The following AGAP1 variants were observed in gnomAD, a reference collection of about 807,000 sequenced individuals.
The protein encoded by AGAP1 is arf-GAP with GTPase, ANK repeat and PH domain-containing protein 1.
A neutral mutation model predicts 105.3 loss-of-function variants in AGAP1; 29 were observed. The observed-to-expected ratio is 0.28, with a 90% CI of 0.21 to 0.38. The LOEUF is 0.38. AGAP1 is among the 10% of genes least tolerant of loss of function. AGAP1 has a pLI of 1.00. For synonymous variants in AGAP1, 509 were observed against 485.9 expected (o/e 1.05, Z -0.63); for missense variants, 998 against 1,165.1 (o/e 0.86, Z 2.09).
chr2:235,806,393 A>T (rs1957835131), intron 8 of AGAP1, among the ~76,000 whole-genome samples: 1 of 152,188 alleles, frequency 6.6e-6, no homozygotes, highest in African/African-American at 2.4e-5. Flanking sequence ...TCAGAAAATC[A>T]TTGTGCTCAC....
chr2:236,098,715 G>A (rs2059258400), intron 16 of AGAP1, among the ~76,000 whole-genome samples: 1 of 147,752 alleles, frequency 6.8e-6, no homozygotes, highest in Non-Finnish European at 1.5e-5. Context: ...GCTTCCCGCT[G>A]CTGGGCTCAA....
At chr2:235,915,547 G>A (rs1002956772) in intron 11 of AGAP1, among the ~76,000 whole-genome samples, 3 of 152,116 alleles carry the variant, frequency 2.0e-5, no homozygotes, top group Non-Finnish European at 2.9e-5. Flanking sequence ...GGGCATAGTG[G>A]CGAGTGCCTG....
chr2:236,048,060 A>G (rs371440218), intron 15 of AGAP1, among the ~76,000 whole-genome samples: 2 of 152,328 alleles, frequency 1.3e-5, no homozygotes, highest in East Asian at 1.9e-4. Flanking sequence ...CAGTGAGTCA[A>G]ATGTGACCTA....
intron 9 of AGAP1, among the ~76,000 whole-genome samples, chr2:235,820,648 A>G (rs1169289899): frequency 1.3e-5 from 2 of 152,244 alleles, no homozygotes; most frequent in Admixed American, 6.5e-5. Flanking sequence ...TAAAAACAAG[A>G]ATGTTTATAT....
chr2:235,717,613 G>A lies in AGAP1; in HGVS notation c.279G>A (p.Thr93=), dbSNP rs770429082. 61 of 1,604,872 alleles carry A rather than the reference G, an allele frequency of 3.8e-5. No homozygotes were observed. Among genetic ancestry groups the A allele is most frequent in the Non-Finnish European group, 4.5e-5 (53 of 1,178,144 alleles). ...CTGCCCTGGTGCACCGGTACCTGAC[G>A]GGCACATATGTCCAGGAGGAGTCTC... ...GKSALVHRYL[T]GTYVQEESPE... is the part of the protein sequence containing the mutation. The change falls in exon 3 of 18, where the codon ACG becomes ACA. Residue 93 remains threonine (T), a synonymous_variant. Transcript: ENST00000304032.
rs1029960812 is a variant in AGAP1, at chr2:236,009,315, G to A, written c.1646-27246G>A. 3.9e-5 allele frequency among the ~76,000 whole-genome samples: 6 copies of A among 152,108 alleles called. No individual in the cohort carries two copies. The highest frequency in any genetic ancestry group is 6.6e-5 in the Admixed American group (1 of 15,258). On this transcript the variant is annotated intron_variant, in intron 13 of 17. Coordinates refer to ENST00000304032, the MANE Select transcript of AGAP1 (RefSeq NM_001037131.3). The surrounding 1 kb of genome is among the most constrained non-coding windows in gnomAD (Gnocchi z 4.2). ...GAAATCGCCACGGACAAAAGATCAC[G>A]GGATACCGGGAGCACTAAACTGGAA...
chr2:235,809,760 G>A (rs901318624), intron 9 of AGAP1, among the ~76,000 whole-genome samples: 2 of 152,128 alleles, frequency 1.3e-5, no homozygotes, highest in Admixed American at 1.3e-4. Flanking sequence ...GACCTTCCTG[G>A]TGTGATGACT....
chr2:235,691,182 C>T lies in AGAP1; in HGVS notation c.164-17997C>T, dbSNP rs1264080027. On this transcript the variant is annotated intron_variant, in intron 1 of 17. Transcript: ENST00000304032. The surrounding 1 kb of genome is among the most constrained non-coding windows in gnomAD (Gnocchi z 4.4). ...GGTCCCTTCTGAGAGACCCCAGCCC[C>T]GAGAGGCTCTGGGCTGCTGGATGCT... 9.2e-5 allele frequency among the ~76,000 whole-genome samples: 14 copies of T among 152,276 alleles called. No individual in the cohort carries two copies. The East Asian group carries it at 2.5e-3, about 27-fold the overall frequency.
At chr2:235,910,880 A>C (rs2051574098) in intron 11 of AGAP1, among the ~76,000 whole-genome samples, 1 of 143,394 alleles carries the variant, frequency 7.0e-6, no homozygotes, top group South Asian at 2.4e-4. Flanking sequence ...GCACCACTGC[A>C]CTCCAGCCTG....
At chr2:235,554,364 C>T (rs1483252338) in intron 1 of AGAP1, among the ~76,000 whole-genome samples, 1 of 152,208 alleles carries the variant, frequency 6.6e-6, no homozygotes, top group African/African-American at 2.4e-5. Flanking sequence ...TCCCAGGGCC[C>T]AGGGGTGAGC....
chr2:236,097,380 C>CTTTTT lies in AGAP1; in HGVS notation c.2115-22785_2115-22781dup, dbSNP rs58882083. Among the ~76,000 whole-genome samples the CTTTTT allele has an allele frequency of 8.7e-3, 425 of 48,678 alleles. 76 individuals carry two copies. Among genetic ancestry groups the CTTTTT allele is most frequent in the Non-Finnish European group, 9.9e-3 (256 of 25,984 alleles). The allele number at this position is 48,678 out of a possible 152,430, so 31.9% of individuals were successfully genotyped here. ...ATAATATAAAATTTGTCATCCTAAT[C>CTTTTT]TTTTTTTTTTTTTTTTTTTTTTTTT... On this transcript the variant is annotated intron_variant, in intron 16 of 17. Transcript: ENST00000304032.
chr2:235,673,069 G>A (rs1230429676), intron 1 of AGAP1, among the ~76,000 whole-genome samples: 1 of 152,168 alleles, frequency 6.6e-6, no homozygotes, highest in Admixed American at 6.5e-5. Flanking sequence ...GAAGTTCTAA[G>A]TAATCACATG....
intron 8 of AGAP1, 85 bp from the exon 9 acceptor site, chr2:235,807,154 T>G: frequency 7.4e-7 from 1 of 1,358,908 alleles, no homozygotes. Flanking sequence ...AAATGTGTAT[T>G]GGCAGGAATT....
At position 235,777,159 on chromosome 2, in the gene AGAP1, C is replaced by T. The variant is rs1001061393; in HGVS notation, c.674-20600C>T. The T allele has an allele frequency of 2.3e-5, 10 of 432,692 alleles. No individual in the cohort carries two copies. The highest frequency in any genetic ancestry group is 2.0e-4 in the African/African-American group (10 of 49,306). The allele number at this position is 432,692 out of a possible 1,614,324, so 26.8% of individuals were successfully genotyped here. A position where few individuals can be genotyped will look rare whatever the true frequency, so the allele number is the denominator to read the frequency against. On this transcript the variant is annotated intron_variant, in intron 6 of 17. Transcript: ENST00000304032. The surrounding 1 kb of genome is among the most constrained non-coding windows in gnomAD (Gnocchi z 5.1). ...GGATCACGAGGTCAGGAGATCGAGACCATCCTGGCTAACACAGTGAAACCC... is the reference window on the plus strand; with the variant it reads ...GGATCACGAGGTCAGGAGATCGAGATCATCCTGGCTAACACAGTGAAACCC...
chr2:236,125,579 G>A lies in AGAP1; in HGVS notation c.*1457G>A, dbSNP rs1242953884. The A allele has an allele frequency of 6.6e-6, 1 of 152,202 alleles. No individual in the cohort carries two copies. The highest frequency in any genetic ancestry group is 2.4e-5 in the African/African-American group (1 of 41,436). The allele number at this position is 152,202 out of a possible 1,614,324, so 9.4% of individuals were successfully genotyped here. A position where few individuals can be genotyped will look rare whatever the true frequency, so the allele number is the denominator to read the frequency against. On this transcript the variant is annotated 3_prime_UTR_variant, in exon 18 of 18. Coordinates refer to ENST00000304032, the MANE Select transcript of AGAP1 (RefSeq NM_001037131.3). This position sits in a 1 kb window ranked among gnomAD's most constrained non-coding sequence, Gnocchi z 5.2. ...TCGGATACGGCTTTTGCTAACCAAG[G>A]ACCAAGGGACTCTGGCAAGATGGGG...
chr2:235,981,717 T>C lies in AGAP1; in HGVS notation c.1645+13094T>C, dbSNP rs1209520084. Among the ~76,000 whole-genome samples the C allele has an allele frequency of 3.3e-5, 5 of 152,266 alleles. No individual in the cohort carries two copies. In the East Asian group the frequency reaches 9.7e-4, roughly 29 times the overall value. ...AGAACCTGGGAGGTGGGTGCCGTTA[T>C]CCGCATTTTTATAACTGAGGAAACC... On this transcript the variant is annotated intron_variant, in intron 13 of 17. Coordinates refer to ENST00000304032, the MANE Select transcript of AGAP1 (RefSeq NM_001037131.3). The surrounding 1 kb of genome is among the most constrained non-coding windows in gnomAD (Gnocchi z 5.5).
At chr2:235,791,372 A>G (rs1177564753) in intron 6 of AGAP1, among the ~76,000 whole-genome samples, 1 of 152,166 alleles carries the variant, frequency 6.6e-6, no homozygotes, top group Non-Finnish European at 1.5e-5. Flanking sequence ...GAGGGTCTCC[A>G]GGTAAGCCCC....
intron 13 of AGAP1, among the ~76,000 whole-genome samples, chr2:235,975,322 G>T (rs73118063): frequency 6.6e-6 from 1 of 152,020 alleles, no homozygotes; most frequent in African/African-American, 2.4e-5. Context: ...TTAAAGAATC[G>T]TGCATGCATA....
chr2:236,015,428 C>T (rs1036934284), intron 13 of AGAP1, among the ~76,000 whole-genome samples: 7 of 152,164 alleles, frequency 4.6e-5, no homozygotes, highest in African/African-American at 1.4e-4. Flanking sequence ...TTCTAAAGGT[C>T]GTCTGGTGCC....
Sources: gnomAD v4.1 joint callset for allele counts (sites outside exome capture counted in the v4.1 genomes callset) on GRCh38, gnomAD v4.1.1 for gene constraint, Gnocchi (gnomAD v3.1) non-coding constraint, MANE v1.5 for transcripts, NCBI Gene and HGNC (gene_info 2026-07-23, HGNC 2026-07-21) for gene names.